Variants in PTPN11 observed in about 807,000 individuals in gnomAD.
PTPN11 encodes tyrosine-protein phosphatase non-receptor type 11.
Under a neutral mutation model 78.8 loss-of-function variants are expected in PTPN11, and 6 were observed. That is an observed-to-expected ratio of 0.08 (90% CI 0.04 to 0.15). The LOEUF (loss-of-function observed/expected upper bound fraction) is 0.15, where lower values mean the gene tolerates loss of function less well. PTPN11 is among the 10% of genes least tolerant of loss of function. The pLI is 1.00. For synonymous variants in PTPN11, 221 were observed against 263.5 expected (o/e 0.84, Z 1.56); for missense variants, 386 against 744.8 (o/e 0.52, Z 5.61).
chr12:112,503,811 C>T (rs2038904744), intron 14 of PTPN11, among the ~76,000 whole-genome samples: 1 of 152,134 alleles, frequency 6.6e-6, no homozygotes, highest in Non-Finnish European at 1.5e-5. Context: ...GGTCCTGGAG[C>T]CCCTCTCAGC....
rs1475919637 is a variant in PTPN11, at chr12:112,505,813, T to C, written c.*33-12T>C. ...ATGTTCCTTAAAAACTCTTAACTTA[T>C]TTCTTCCCCAGATGTGGACTTTCAC... On this transcript the variant is annotated splice_polypyrimidine_tract_variant and intron_variant, in intron 15 of 15. Coordinates refer to ENST00000351677, the MANE Select transcript of PTPN11 (RefSeq NM_002834.5). 6.5e-6 allele frequency: 1 copy of C among 153,240 alleles called. No individual in the cohort carries two copies. Among genetic ancestry groups the C allele is most frequent in the Admixed American group, 6.5e-5 (1 of 15,280 alleles). 9.5% of individuals were successfully genotyped at this position (153,240 alleles called of 1,614,324 possible).
rs181551858 is a variant in PTPN11, at chr12:112,425,786, T to C, written c.14+6661T>C. On this transcript the variant is annotated intron_variant, in intron 1 of 15. Coordinates refer to ENST00000351677, the MANE Select transcript of PTPN11 (RefSeq NM_002834.5). ...CTCTGTCACCCAGGCTGGAGGGCAA[T>C]GTTGCAATGATAGCTTACTGTAGCC... Among the ~76,000 whole-genome samples the C allele has an allele frequency of 3.1e-4, 47 of 152,248 alleles. 2 individuals carry two copies. Among genetic ancestry groups the C allele is most frequent in the Admixed American group, 2.9e-3 (44 of 15,280 alleles).
At chr12:112,444,187 C>T (rs556881731) in intron 1 of PTPN11, among the ~76,000 whole-genome samples, 1 of 152,236 alleles carries the variant, frequency 6.6e-6, no homozygotes, top group Non-Finnish European at 1.5e-5. Context: ...TCTATTCATC[C>T]ATCTATAGAC....
intron 10 of PTPN11, among the ~76,000 whole-genome samples, chr12:112,484,725 G>A (rs11066322): frequency 0.34 from 51,725 of 151,682 alleles, 12,599 homozygotes; most frequent in East Asian, 0.85. Flanking sequence ...GCTGTCAAGT[G>A]GAAATGGGAG....
At chr12:112,502,649 A>G (rs1266331956) in intron 14 of PTPN11, among the ~76,000 whole-genome samples, 1 of 152,210 alleles carries the variant, frequency 6.6e-6, no homozygotes, top group African/African-American at 2.4e-5. Flanking sequence ...CAGGAGGCTG[A>G]GGCAGGAGAA....
chr12:112,454,854 C>G, intron 5 of PTPN11, 174 bp downstream of exon 5: 1 of 639,988 alleles, frequency 1.6e-6, no homozygotes, highest in East Asian at 2.9e-5. Flanking sequence ...CAGTCTTACT[C>G]TGTCACCCAG....
At chr12:112,469,478 A>T (rs1292329459) in intron 6 of PTPN11, among the ~76,000 whole-genome samples, 1 of 152,084 alleles carries the variant, frequency 6.6e-6, no homozygotes, top group African/African-American at 2.4e-5. Context: ...AAATGAAAAA[A>T]TTTTTAAAAT....
At chr12:112,493,123 A>G (rs902723367) in intron 13 of PTPN11, among the ~76,000 whole-genome samples, 1 of 151,776 alleles carries the variant, frequency 6.6e-6, no homozygotes, top group Admixed American at 6.6e-5. Flanking sequence ...CAGTGCCACA[A>G]TCTCGGCTCA....
At chr12:112,440,020 G>T (rs1433426208) in intron 1 of PTPN11, among the ~76,000 whole-genome samples, 2 of 152,032 alleles carry the variant, frequency 1.3e-5, no homozygotes, top group African/African-American at 4.8e-5. Flanking sequence ...ACAAATTGAG[G>T]CCTAATGTAA....
chr12:112,477,776 C>T, intron 8 of PTPN11, 46 bp downstream of exon 8: 1 of 1,604,724 alleles, frequency 6.2e-7, no homozygotes, highest in South Asian at 1.1e-5. Context: ...CATTTCTAGC[C>T]TATTTTTGTA....
At chr12:112,470,427 C>G (rs1287712261) in intron 6 of PTPN11, among the ~76,000 whole-genome samples, 1 of 152,220 alleles carries the variant, frequency 6.6e-6, no homozygotes, top group Non-Finnish European at 1.5e-5. Context: ...ATTTCACACT[C>G]AAGGAAACTG....
At chr12:112,484,368 C>T (rs1014153812) in intron 10 of PTPN11, among the ~76,000 whole-genome samples, 5 of 152,224 alleles carry the variant, frequency 3.3e-5, no homozygotes, top group South Asian at 2.1e-4. Context: ...ACAGAAAGTA[C>T]GTGGTTTGTC....
intron 2 of PTPN11, 106 bp downstream of exon 2, chr12:112,446,504 A>G: frequency 6.6e-7 from 1 of 1,523,218 alleles, no homozygotes; most frequent in South Asian, 1.1e-5. Context: ...TGAAGGCCTT[A>G]TCTGAGCCCT....
intron 6 of PTPN11, among the ~76,000 whole-genome samples, chr12:112,468,638 A>C (rs939479372): frequency 6.6e-6 from 1 of 152,182 alleles, no homozygotes; most frequent in Non-Finnish European, 1.5e-5. Flanking sequence ...GTTAGCACCC[A>C]CCTGAGCCTG....
chr12:112,423,802 A>G (rs1020046983), intron 1 of PTPN11, among the ~76,000 whole-genome samples: 1 of 134,990 alleles, frequency 7.4e-6, no homozygotes, highest in African/African-American at 2.9e-5. Context: ...TGGAGACTGC[A>G]GTGGCATAAT....
At chr12:112,436,518 C>T (rs1216015739) in intron 1 of PTPN11, among the ~76,000 whole-genome samples, 1 of 152,140 alleles carries the variant, frequency 6.6e-6, no homozygotes, top group Non-Finnish European at 1.5e-5. Flanking sequence ...CCAAGAGATG[C>T]TTCAAATCAG....
intron 1 of PTPN11, among the ~76,000 whole-genome samples, chr12:112,439,794 A>C (rs552448584): frequency 3.5e-4 from 52 of 150,452 alleles, no homozygotes; most frequent in South Asian, 1.0e-3. Context: ...TAAAAAAAAA[A>C]ACAAAAACAA....
At chr12:112,495,643 GC>G (rs1323997907) in intron 13 of PTPN11, among the ~76,000 whole-genome samples, 1 of 152,034 alleles carries the variant, frequency 6.6e-6, no homozygotes, top group Non-Finnish European at 1.5e-5. Flanking sequence ...AGCCTGATAA[GC>G]CCATCATAAA....
At chr12:112,446,447 A>C (rs761259292) in intron 2 of PTPN11, 49 bp downstream of exon 2, 1 of 1,612,912 alleles carries the variant, frequency 6.2e-7, no homozygotes, top group African/African-American at 1.3e-5. Context: ...TCTAGGTAGG[A>C]AGTGGTAAAA....
Sources: allele counts gnomAD v4.1 joint callset (sites outside exome capture counted in the v4.1 genomes callset), GRCh38; gene constraint gnomAD v4.1.1; transcripts MANE v1.5; gene names NCBI Gene and HGNC (gene_info 2026-07-23, HGNC 2026-07-21).